TANGO2: variants seen among roughly 807,000 people sequenced by gnomAD.
TANGO2 encodes the protein transport and golgi organization 2 homolog.
A neutral mutation model predicts 39.1 loss-of-function variants in TANGO2; 26 were observed. That is an observed-to-expected ratio of 0.67 (90% CI 0.49 to 0.92). The LOEUF (loss-of-function observed/expected upper bound fraction) is 0.92, where lower values mean the gene tolerates loss of function less well. Among genes scored for constraint, TANGO2 ranks in the 40% least tolerant of loss-of-function variants. TANGO2 has a pLI of 0.00. For synonymous variants in TANGO2, 131 were observed against 144.5 expected (o/e 0.91, Z 0.67); for missense variants, 326 against 360.1 (o/e 0.91, Z 0.77).
chr22:20,037,099 G>A, intron 2 of TANGO2: 1 of 1,520,876 alleles, frequency 6.6e-7, no homozygotes, highest in Non-Finnish European at 8.8e-7. Flanking sequence ...CCACAGGTAG[G>A]ACAGAGGAGT....
At chr22:20,034,144 G>T (rs1004897728) in intron 1 of TANGO2, among the ~76,000 whole-genome samples, 4 of 152,222 alleles carry the variant, frequency 2.6e-5, no homozygotes, top group Non-Finnish European at 4.4e-5. Flanking sequence ...GGCGGAGGTT[G>T]CGGTGAGCCG....
Position 20,055,969 on chromosome 22 carries a change from A to T in TANGO2, c.407A>T (p.Tyr136Phe). The T allele has an allele frequency of 6.2e-7, 1 of 1,614,108 alleles. No homozygotes were observed. Among genetic ancestry groups the T allele is most frequent in the Non-Finnish European group, 8.5e-7 (1 of 1,179,936 alleles). ...ACAGCAAAGGGAGACGTCATTTGCT[A>T]CTATGGGAACCGAGGGGAGCCTGAT... is the stretch of plus-strand genomic sequence containing the variant. ...LSTAKGDVIC[Y>F]YGNRGEPDPI... is the part of the protein sequence containing the mutation. The change falls in exon 6 of 9, where the codon TAC becomes TTC. Residue 136 changes from tyrosine (Y) to phenylalanine (F), a missense_variant. By Grantham distance (22) the Tyr-to-Phe change is conservative. Coordinates refer to ENST00000327374, the MANE Select transcript of TANGO2 (RefSeq NM_152906.7).
rs1255875214 is a variant in TANGO2 at position 20,057,193 on chromosome 22, A to G, written c.451+1180A>G. 1.3e-5 allele frequency among the ~76,000 whole-genome samples: 2 copies of G among 152,130 alleles called. No homozygotes were observed. The highest frequency in any genetic ancestry group is 6.5e-5 in the Admixed American group (1 of 15,272). On this transcript the variant is annotated intron_variant, in intron 6 of 8. Coordinates refer to ENST00000327374, the MANE Select transcript of TANGO2 (RefSeq NM_152906.7). This position sits in a 1 kb window ranked among gnomAD's most constrained non-coding sequence, Gnocchi z 4.1. Reference sequence around the variant, plus strand: ...GTCCCCAGGACAGCTGAGTGGCCCCATCCCACCTGCATCTTAGGGGGCTGG... The same window carrying G: ...GTCCCCAGGACAGCTGAGTGGCCCCGTCCCACCTGCATCTTAGGGGGCTGG...
At chr22:20,045,902 C>T (rs2045082720) in intron 3 of TANGO2, among the ~76,000 whole-genome samples, 1 of 151,996 alleles carries the variant, frequency 6.6e-6, no homozygotes, top group South Asian at 2.1e-4. Flanking sequence ...TCCCACACCT[C>T]TGCGATGCTC....
At position 20,037,054 on chromosome 22, in the gene TANGO2, G is replaced by A. The variant is rs2042985914; in HGVS notation, c.56+200G>A. 8 of 1,545,752 alleles carry A rather than the reference G, an allele frequency of 5.2e-6. No homozygotes were observed. The South Asian group carries it at 8.8e-5, about 17-fold the overall frequency. ...TCTCGGGGCGGGGACTCCAGTCAAT[G>A]TACAAAGACGTGAAGACTCAGCCAC... is the stretch of plus-strand genomic sequence containing the variant. On this transcript the variant is annotated intron_variant, in intron 2 of 8. Transcript: ENST00000327374.
chr22:20,042,527 G>T (rs1047576212), intron 2 of TANGO2, among the ~76,000 whole-genome samples: 16 of 152,178 alleles, frequency 1.1e-4, no homozygotes, highest in African/African-American at 3.9e-4. Context: ...CGCCTCGGAG[G>T]CCGAGGCGGG....
In TANGO2 at chr22:20,064,816, C is replaced by A; in HGVS notation, c.*154C>A. On this transcript the variant is annotated 3_prime_UTR_variant, in exon 9 of 9. Coordinates refer to ENST00000327374, the MANE Select transcript of TANGO2 (RefSeq NM_152906.7). ...GCCCTGTGGTTTGCGTGTTACCCAT[C>A]TGTGTCCCCATGCCCAGTTCAGGGT... 2.1e-6 allele frequency: 2 copies of A among 952,856 alleles called. No individual in the cohort carries two copies. Among genetic ancestry groups the A allele is most frequent in the Non-Finnish European group, 3.0e-6 (2 of 656,320 alleles). 59.0% of individuals were successfully genotyped at this position (952,856 alleles called of 1,614,324 possible). A position where few individuals can be genotyped will look rare whatever the true frequency, so the allele number is the denominator to read the frequency against.
intron 1 of TANGO2, among the ~76,000 whole-genome samples, chr22:20,029,866 A>C (rs897584230): frequency 1.3e-5 from 2 of 152,186 alleles, no homozygotes; most frequent in Non-Finnish European, 2.9e-5. Flanking sequence ...GCCCAACTGG[A>C]GATGGCACTC....
chr22:20,052,651 T>TG (rs1199034984), intron 4 of TANGO2, 67 bp downstream of exon 4: 1 of 1,523,936 alleles, frequency 6.6e-7, no homozygotes, highest in Non-Finnish European at 8.8e-7. Context: ...TGAGACAAGG[T>TG]GGGGCCAAGG....
intron 1 of TANGO2, among the ~76,000 whole-genome samples, chr22:20,024,829 G>A (rs781486864): frequency 3.9e-5 from 6 of 152,304 alleles, no homozygotes; most frequent in South Asian, 2.1e-4. Flanking sequence ...CGCCAAAAGC[G>A]TGTGTCCCAT....
At chr22:20,027,630 C>CA in intron 1 of TANGO2, among the ~76,000 whole-genome samples, 1 of 151,942 alleles carries the variant, frequency 6.6e-6, no homozygotes, top group East Asian at 1.9e-4. Context: ...TTTTGAGACT[C>CA]AGAGTCTTGC....
At chr22:20,035,286 G>T (rs1331683037) in intron 1 of TANGO2, among the ~76,000 whole-genome samples, 2 of 152,236 alleles carry the variant, frequency 1.3e-5, no homozygotes, top group African/African-American at 4.8e-5. Flanking sequence ...CCGTGCCTAT[G>T]GAGGCACATA....
At chr22:20,047,071 C>T (rs1453961307) in intron 3 of TANGO2, among the ~76,000 whole-genome samples, 3 of 152,040 alleles carry the variant, frequency 2.0e-5, no homozygotes, top group African/African-American at 7.2e-5. Context: ...GGAGGAGGCG[C>T]CACGCTCTTT....
At chr22:20,061,905 G>A (rs2048458602) in intron 7 of TANGO2, 2 of 579,602 alleles carry the variant, frequency 3.5e-6, no homozygotes, top group South Asian at 5.2e-5. Flanking sequence ...CCAGGCCCAG[G>A]CCCAGGCCCA....
chr22:20,030,329 G>A (rs2146890180), intron 1 of TANGO2, among the ~76,000 whole-genome samples: 1 of 133,432 alleles, frequency 7.5e-6, no homozygotes, highest in South Asian at 2.9e-4. Context: ...CACCACACCT[G>A]GCTAATTTGT....
chr22:20,061,795 C>T, intron 7 of TANGO2, 112 bp downstream of exon 7: 1 of 1,343,290 alleles, frequency 7.4e-7, no homozygotes, highest in Non-Finnish European at 9.9e-7. Flanking sequence ...GCTGGGTCCC[C>T]AGCTGCAGGG....
Position 20,064,624 on chromosome 22 carries a change from T to G in TANGO2, c.793T>G (p.Trp265Gly). ...RSMMDKDLSH[W>G]ETRTYEFTLQ... ...CATGATGGACAAGGACCTCTCCCAC[T>G]GGGAGACCAGAACCTATGAGTTCAC... Residue 265 changes from tryptophan (W) to glycine (G), a missense_variant, in exon 9 of 9, where the codon TGG becomes GGG. Coordinates refer to ENST00000327374, the MANE Select transcript of TANGO2 (RefSeq NM_152906.7). The G allele has an allele frequency of 1.2e-6, 2 of 1,614,178 alleles. No homozygotes were observed. The highest frequency in any genetic ancestry group is 1.7e-6 in the Non-Finnish European group (2 of 1,180,008).
chr22:20,033,637 G>A (rs932235587), intron 1 of TANGO2, among the ~76,000 whole-genome samples: 2 of 152,256 alleles, frequency 1.3e-5, no homozygotes, highest in African/African-American at 4.8e-5. Context: ...CCAGCTGGCA[G>A]GGCTTCTCCA....
At chr22:20,047,465 C>T (rs2045463625) in intron 3 of TANGO2, among the ~76,000 whole-genome samples, 1 of 152,006 alleles carries the variant, frequency 6.6e-6, no homozygotes, top group African/African-American at 2.4e-5. Flanking sequence ...GAACTCTTGA[C>T]CTCAGGCAAT....
Sources: allele counts gnomAD v4.1 joint callset (sites outside exome capture counted in the v4.1 genomes callset), GRCh38; gene constraint gnomAD v4.1.1; non-coding constraint Gnocchi (gnomAD v3.1); transcripts MANE v1.5; gene names NCBI Gene and HGNC (gene_info 2026-07-23, HGNC 2026-07-21).